Variants in FYB1 observed in about 807,000 individuals in gnomAD.
FYB1 encodes the protein FYN binding protein 1.
FYB1 carries 41 observed loss-of-function variants against 94.1 expected under a neutral mutation model. That is an observed-to-expected ratio of 0.44 (90% CI 0.34 to 0.57). FYB1 has a LOEUF of 0.57. Ranked by LOEUF, FYB1 falls within the 20% of genes least tolerant of loss-of-function variation. The probability of loss-of-function intolerance (pLI) is 0.02; values close to 1 mark genes in which losing one functional copy is unlikely to be tolerated. For synonymous variants in FYB1, 367 were observed against 353.2 expected, an observed-to-expected ratio of 1.04 and a Z score of -0.44; for missense variants, 1,050 against 976.8, an observed-to-expected ratio of 1.07 and a Z score of -1.00.
At chr5:39,125,057 T>C (rs567656073) in intron 12 of FYB1, among the ~76,000 whole-genome samples, 45 of 151,994 alleles carry the variant, frequency 3.0e-4, no homozygotes, top group Admixed American at 5.9e-4. Flanking sequence ...CCAAATCAGA[T>C]TTGGATAGTA....
intron 1 of FYB1, among the ~76,000 whole-genome samples, chr5:39,249,557 A>T (rs1231765565): frequency 1.3e-5 from 2 of 151,484 alleles, no homozygotes; most frequent in Non-Finnish European, 2.9e-5. Context: ...AGACCATTCT[A>T]GTAGCAGAGA....
intron 16 of FYB1, among the ~76,000 whole-genome samples, chr5:39,118,581 A>G (rs1215882775): frequency 1.3e-5 from 2 of 152,172 alleles, no homozygotes; most frequent in Non-Finnish European, 2.9e-5. Flanking sequence ...ATACACACGC[A>G]AGGGCTTTCT....
chr5:39,170,102 C>A, intron 2 of FYB1: 1 of 848,946 alleles, frequency 1.2e-6, no homozygotes, highest in South Asian at 1.3e-5. Context: ...AAGATGGTGG[C>A]TTTTTGATTT....
At chr5:39,200,744 T>C (rs1748237012) in intron 2 of FYB1, among the ~76,000 whole-genome samples, 1 of 152,236 alleles carries the variant, frequency 6.6e-6, no homozygotes. Flanking sequence ...TATCGCAAGA[T>C]GTTTCTACAG....
chr5:39,108,120 T>G (rs1369879572), intron 18 of FYB1, 111 bp downstream of exon 18: 1 of 1,042,910 alleles, frequency 9.6e-7, no homozygotes, highest in African/African-American at 1.6e-5. Context: ...TTCAAGTGAT[T>G]CAAATTCTGA....
chr5:39,169,429 G>C (rs978645204), intron 2 of FYB1: 4 of 741,680 alleles, frequency 5.4e-6, no homozygotes, highest in Admixed American at 5.2e-5. Flanking sequence ...CCATTAAAAA[G>C]AACAGGAACA....
At chr5:39,163,273 A>G (rs1744434660) in intron 2 of FYB1, among the ~76,000 whole-genome samples, 2 of 152,242 alleles carry the variant, frequency 1.3e-5, no homozygotes, top group African/African-American at 4.8e-5. Context: ...TAATTATATT[A>G]GTATGAAATC....
chr5:39,133,905 A>G (rs1741428832), intron 9 of FYB1, among the ~76,000 whole-genome samples: 1 of 152,230 alleles, frequency 6.6e-6, no homozygotes, highest in Non-Finnish European at 1.5e-5. Context: ...ATATTTCATT[A>G]GGCATATCCC....
At chr5:39,125,254 G>A (rs185978697) in intron 12 of FYB1, among the ~76,000 whole-genome samples, 5 of 152,200 alleles carry the variant, frequency 3.3e-5, no homozygotes, top group African/African-American at 1.2e-4. Context: ...ATAAAGACTT[G>A]AGCTAAATGT....
At chr5:39,185,002 C>T (rs1008831309) in intron 2 of FYB1, among the ~76,000 whole-genome samples, 14 of 152,100 alleles carry the variant, frequency 9.2e-5, no homozygotes, top group African/African-American at 2.7e-4. Context: ...TAAGTGAAAA[C>T]AATTTTGACC....
At chr5:39,117,545 G>C (rs1000787097) in intron 16 of FYB1, among the ~76,000 whole-genome samples, 1 of 151,988 alleles carries the variant, frequency 6.6e-6, no homozygotes, top group African/African-American at 2.4e-5. Context: ...CACTGCCACT[G>C]CCCTTTATCT....
Position 39,118,947 on chromosome 5 carries a change from T to A in FYB1, c.2328A>T (p.Lys776Asn). ...GTATAACTTCTAGAGATTCACCAGGTTTTACCTGTAGATCTCTGGTTCCCC... is the reference window on the plus strand; with the variant it reads ...GTATAACTTCTAGAGATTCACCAGGATTTACCTGTAGATCTCTGGTTCCCC... The part of the protein sequence containing the change: ...KKWGTRDLQV[K>N]PGESLEVIQT... The change falls in exon 16 of 19, where the codon AAA (lysine) becomes AAT (asparagine). Residue 776 changes from lysine (K) to asparagine (N), a missense_variant. By Grantham distance (94) the Lys-to-Asn change is moderately conservative (BLOSUM62 0). Coordinates refer to ENST00000512982, the MANE Select transcript of FYB1 (RefSeq NM_001465.6). 6.3e-7 allele frequency: 1 copy of A among 1,576,266 alleles called. No individual in the cohort carries two copies. The highest frequency in any genetic ancestry group is 8.7e-7 in the Non-Finnish European group (1 of 1,155,898).
At chr5:39,176,769 C>A (rs558252741) in intron 2 of FYB1, among the ~76,000 whole-genome samples, 1 of 152,298 alleles carries the variant, frequency 6.6e-6, no homozygotes, top group East Asian at 1.9e-4. Flanking sequence ...AAAATAGCAA[C>A]ACAACTTCCT....
chr5:39,128,713 T>C (rs1286287568), intron 10 of FYB1, among the ~76,000 whole-genome samples: 1 of 152,054 alleles, frequency 6.6e-6, no homozygotes, highest in Non-Finnish European at 1.5e-5. Flanking sequence ...TAGAATCCAG[T>C]TTATTGACTC....
intron 1 of FYB1, among the ~76,000 whole-genome samples, chr5:39,261,770 G>GAAAT (rs775307609): frequency 3.0e-4 from 46 of 152,040 alleles, no homozygotes; most frequent in Non-Finnish European, 6.2e-4. Flanking sequence ...GAAAAGAAAA[G>GAAAT]AAATAATGAT....
intron 2 of FYB1, among the ~76,000 whole-genome samples, chr5:39,165,052 G>A (rs1015668082): frequency 3.3e-5 from 5 of 152,194 alleles, no homozygotes; most frequent in African/African-American, 1.2e-4. Context: ...ATACAGACAT[G>A]TGACAAGAGA....
intron 1 of FYB1, among the ~76,000 whole-genome samples, chr5:39,213,261 C>T (rs1312561071): frequency 3.3e-5 from 5 of 152,098 alleles, no homozygotes; most frequent in African/African-American, 1.2e-4. Context: ...GAGAACCAAA[C>T]CCAGGTTCTG....
chr5:39,246,813 TGAG>T (rs1485493114), intron 1 of FYB1, among the ~76,000 whole-genome samples: 2 of 151,878 alleles, frequency 1.3e-5, no homozygotes, highest in Non-Finnish European at 2.9e-5. Context: ...AAAGACATGG[TGAG>T]GAGCAGAATG....
chr5:39,113,473 A>G (rs1739254363), intron 16 of FYB1, among the ~76,000 whole-genome samples: 1 of 152,132 alleles, frequency 6.6e-6, no homozygotes, highest in Admixed American at 6.6e-5. Flanking sequence ...GGGTAGAGCT[A>G]GTTAGGAAAA....
Sources: gnomAD v4.1 joint callset for allele counts (sites outside exome capture counted in the v4.1 genomes callset) on GRCh38, gnomAD v4.1.1 for gene constraint, MANE v1.5 for transcripts, NCBI Gene and HGNC (gene_info 2026-07-23, HGNC 2026-07-21) for gene names.